COL25A1: variants seen among roughly 807,000 people sequenced by gnomAD.
COL25A1 encodes the protein collagen type XXV alpha 1 chain, also known as collagen alpha-1(XXV) chain.
In COL25A1, 103 loss-of-function variants were observed where a neutral mutation model predicts 128.4. The ratio of observed to expected loss-of-function variants is 0.80; its 90% confidence interval spans 0.68 to 0.94. The LOEUF is 0.94. COL25A1 is among the 40% of genes least tolerant of loss of function. The pLI is 0.00. For missense variants in COL25A1, 745 were observed against 840.0 expected, an observed-to-expected ratio of 0.89 and a Z score of 1.40; for synonymous variants, 279 against 277.2, an observed-to-expected ratio of 1.01 and a Z score of -0.06.
intron 6 of COL25A1, among the ~76,000 whole-genome samples, chr4:109,003,817 C>CAAAAACA (rs1755702549): frequency 6.6e-6 from 1 of 151,956 alleles, no homozygotes; most frequent in Non-Finnish European, 1.5e-5. Context: ...AAAACAAAAA[C>CAAAAACA]AAAAAAACGA....
At chr4:109,215,528 T>C (rs1163634676) in intron 3 of COL25A1, among the ~76,000 whole-genome samples, 1 of 152,174 alleles carries the variant, frequency 6.6e-6, no homozygotes, top group Non-Finnish European at 1.5e-5. Context: ...CAGTAAGATA[T>C]AAGTATGTAG....
At chr4:108,942,423 C>A (rs1423952676) in intron 8 of COL25A1, among the ~76,000 whole-genome samples, 1 of 151,928 alleles carries the variant, frequency 6.6e-6, no homozygotes, top group Non-Finnish European at 1.5e-5. Flanking sequence ...AAATTAGACA[C>A]ATAAGGCCCC....
chr4:108,905,296 A>G (rs546488540), intron 13 of COL25A1, among the ~76,000 whole-genome samples: 1 of 152,222 alleles, frequency 6.6e-6, no homozygotes, highest in East Asian at 1.9e-4. Context: ...AATTTTAAAG[A>G]TTTAGTAGGA....
chr4:108,829,417 A>G (rs907250420), intron 32 of COL25A1, among the ~76,000 whole-genome samples: 3 of 151,624 alleles, frequency 2.0e-5, no homozygotes, highest in African/African-American at 7.3e-5. Flanking sequence ...CTATCTATCT[A>G]TCTATCTATC....
At chr4:109,222,472 T>C (rs974474040) in intron 3 of COL25A1, among the ~76,000 whole-genome samples, 2 of 152,206 alleles carry the variant, frequency 1.3e-5, no homozygotes, top group African/African-American at 4.8e-5. Flanking sequence ...CTCTATAGTC[T>C]TTTAGGCCCC....
intron 3 of COL25A1, among the ~76,000 whole-genome samples, chr4:109,147,097 C>T (rs913820815): frequency 6.6e-6 from 1 of 152,184 alleles, no homozygotes; most frequent in Non-Finnish European, 1.5e-5. Context: ...CAGTTAAAGA[C>T]CGTTGGCAAC....
intron 6 of COL25A1, among the ~76,000 whole-genome samples, chr4:108,986,573 G>A (rs966102633): frequency 3.3e-5 from 5 of 152,158 alleles, no homozygotes; most frequent in Admixed American, 6.6e-5. Flanking sequence ...CAGAATGTGG[G>A]ACACTCTAAA....
chr4:109,079,755 G>C (rs998208215), intron 3 of COL25A1, among the ~76,000 whole-genome samples: 1 of 150,584 alleles, frequency 6.6e-6, no homozygotes, highest in African/African-American at 2.4e-5. Flanking sequence ...TGTGTCACAG[G>C]CTTCCAGTCT....
chr4:108,914,590 T>C (rs1300894916), intron 13 of COL25A1, among the ~76,000 whole-genome samples: 1 of 151,910 alleles, frequency 6.6e-6, no homozygotes, highest in Admixed American at 6.6e-5. Context: ...TTTCTTTCTA[T>C]GAGGAATTCA....
At chr4:109,228,561 T>G (rs1235778683) in intron 3 of COL25A1, among the ~76,000 whole-genome samples, 1 of 152,192 alleles carries the variant, frequency 6.6e-6, no homozygotes, top group Non-Finnish European at 1.5e-5. Context: ...ATTTTAAATG[T>G]TAAGGATCAA....
At chr4:108,928,935 T>G (rs949198018) in intron 11 of COL25A1, among the ~76,000 whole-genome samples, 2 of 152,152 alleles carry the variant, frequency 1.3e-5, no homozygotes, top group South Asian at 4.1e-4. Context: ...AAGACTGAAA[T>G]CAGGTGAACT....
intron 15 of COL25A1, among the ~76,000 whole-genome samples, chr4:108,897,058 T>C (rs1417788136): frequency 6.6e-6 from 1 of 152,198 alleles, no homozygotes; most frequent in Non-Finnish European, 1.5e-5. Flanking sequence ...GAATATGCCA[T>C]GGGCCTTACC....
chr4:109,224,723 T>G (rs1008253188), intron 3 of COL25A1, among the ~76,000 whole-genome samples: 1 of 152,092 alleles, frequency 6.6e-6, no homozygotes, highest in Non-Finnish European at 1.5e-5. Context: ...GTGGATCAAC[T>G]GAGGTCGAGA....
At chr4:108,926,892 C>T (rs574525873) in intron 11 of COL25A1, among the ~76,000 whole-genome samples, 4 of 152,066 alleles carry the variant, frequency 2.6e-5, no homozygotes, top group African/African-American at 9.6e-5. Context: ...GAAATGCCAA[C>T]TAGAAACTGT....
intron 3 of COL25A1, among the ~76,000 whole-genome samples, chr4:109,219,082 C>T (rs1033432458): frequency 1.3e-5 from 2 of 152,034 alleles, no homozygotes; most frequent in Non-Finnish European, 2.9e-5. Flanking sequence ...TGAGTTAGTA[C>T]AAACTTTCCC....
chr4:108,943,826 A>C (rs1229273683), intron 8 of COL25A1, among the ~76,000 whole-genome samples: 2 of 143,940 alleles, frequency 1.4e-5, no homozygotes, highest in Non-Finnish European at 3.1e-5. Flanking sequence ...CTTTTTTTCA[A>C]AAAAAAAAAA....
intron 37 of COL25A1, among the ~76,000 whole-genome samples, chr4:108,815,718 T>C (rs1354511059): frequency 6.6e-6 from 1 of 152,122 alleles, no homozygotes; most frequent in Non-Finnish European, 1.5e-5. Context: ...TCATGAACCA[T>C]TTCATGAACC....
intron 3 of COL25A1, among the ~76,000 whole-genome samples, chr4:109,060,103 A>G (rs1358801177): frequency 6.6e-6 from 1 of 152,192 alleles, no homozygotes; most frequent in East Asian, 1.9e-4. Flanking sequence ...ATCTTTAAAT[A>G]AAGGGCTTCA....
intron 16 of COL25A1, among the ~76,000 whole-genome samples, chr4:108,892,884 A>C (rs1177562869): frequency 2.0e-5 from 3 of 152,216 alleles, no homozygotes; most frequent in Non-Finnish European, 4.4e-5. Context: ...AGAATGAGTA[A>C]TATTAGAAAG....
Sources: allele counts gnomAD v4.1 joint callset (sites outside exome capture counted in the v4.1 genomes callset), GRCh38; gene constraint gnomAD v4.1.1; transcripts MANE v1.5; gene names NCBI Gene and HGNC (gene_info 2026-07-23, HGNC 2026-07-21).